Variants in TNS3 observed in about 807,000 individuals in gnomAD.
The protein encoded by TNS3 is tensin 3, also known as tensin-3.
A neutral mutation model predicts 140.9 loss-of-function variants in TNS3; 45 were observed. The ratio of observed to expected loss-of-function variants is 0.32; its 90% CI spans 0.25 to 0.41. The LOEUF is 0.41. Among genes scored for constraint, TNS3 ranks in the 10% least tolerant of loss-of-function variants. TNS3 has a pLI of 1.00. For missense variants in TNS3, 1,716 were observed against 1,906.7 expected (o/e 0.90, Z 1.86); for synonymous variants, 815 against 788.4 (o/e 1.03, Z -0.56).
chr7:47,545,208 C>T (rs1394950166), intron 1 of TNS3, among the ~76,000 whole-genome samples: 1 of 146,894 alleles, frequency 6.8e-6, no homozygotes, highest in Non-Finnish European at 1.5e-5. Flanking sequence ...GGCACAATCT[C>T]GGCTCACTGC....
chr7:47,346,438 C>T (rs1476311340), intron 17 of TNS3, 82 bp from the exon 18 acceptor site: 2 of 1,534,060 alleles, frequency 1.3e-6, no homozygotes, highest in Non-Finnish European at 1.8e-6. Flanking sequence ...TTGCCTGCTG[C>T]TTCTCAAAGG....
intron 16 of TNS3, among the ~76,000 whole-genome samples, chr7:47,389,594 C>T (rs1464407228): frequency 6.9e-5 from 1 of 14,540 alleles, no homozygotes; most frequent in Non-Finnish European, 4.1e-4. Context: ...TTTGACTGCC[C>T]CCAATGCCAC....
At chr7:47,556,951 C>T (rs1159180043) in intron 1 of TNS3, 5 of 449,864 alleles carry the variant, frequency 1.1e-5, no homozygotes, top group South Asian at 3.1e-5. Flanking sequence ...ACTCCCAGCC[C>T]TCTGTCCTCC....
chr7:47,369,477 C>T lies in TNS3; in HGVS notation c.1169G>A (p.Ser390Asn). The T allele has an allele frequency of 6.2e-7, 1 of 1,614,158 alleles. No individual in the cohort carries two copies. Among genetic ancestry groups the T allele is most frequent in the Non-Finnish European group, 8.5e-7 (1 of 1,180,034 alleles). The stretch of plus-strand genomic sequence containing the variant: ...GGCTGTAGAGTGGCCGGAGTCACTG[C>T]TGACAGACAAGGTGTGGTCACTGTG... The part of the protein sequence containing the change: ...PDHSDHTLSV[S>N]SDSGHSTASA... The change falls in exon 17 of 31, where the codon AGC becomes AAC. Residue 390 changes from serine (S) to asparagine (N), a missense_variant. Transcript: ENST00000311160.
At chr7:47,482,744 A>G (rs1219670413) in intron 3 of TNS3, among the ~76,000 whole-genome samples, 4 of 110,352 alleles carry the variant, frequency 3.6e-5, no homozygotes, top group South Asian at 2.8e-4. Context: ...AGCATGATGA[A>G]AAAAAAAATG....
chr7:47,444,737 C>A (rs927741518), intron 4 of TNS3, among the ~76,000 whole-genome samples: 3 of 152,168 alleles, frequency 2.0e-5, no homozygotes, highest in Admixed American at 2.0e-4. Context: ...GGCCTCGATA[C>A]AGTAACTCCA....
chr7:47,454,037 G>A (rs561853128), intron 4 of TNS3, among the ~76,000 whole-genome samples: 34 of 152,290 alleles, frequency 2.2e-4, no homozygotes, highest in Admixed American at 7.2e-4. Context: ...ATTTCATAAC[G>A]AAAACATTTC....
At chr7:47,539,524 G>T in intron 1 of TNS3, 1 of 249,918 alleles carries the variant, frequency 4.0e-6, no homozygotes, top group African/African-American at 2.2e-5. Flanking sequence ...TTGCAATCTA[G>T]GCTCTTACAC....
At chr7:47,385,091 C>G (rs879281079) in intron 16 of TNS3, among the ~76,000 whole-genome samples, 1 of 152,224 alleles carries the variant, frequency 6.6e-6, no homozygotes, top group Non-Finnish European at 1.5e-5. Flanking sequence ...AGCCAGTGAA[C>G]TCACTCCCAG....
At chr7:47,404,381 A>G (rs940920875) in intron 13 of TNS3, among the ~76,000 whole-genome samples, 1 of 152,216 alleles carries the variant, frequency 6.6e-6, no homozygotes, top group African/African-American at 2.4e-5. Context: ...TATTAATATA[A>G]TTCATTATCC....
At chr7:47,478,821 T>A (rs979042444) in intron 4 of TNS3, among the ~76,000 whole-genome samples, 2 of 152,140 alleles carry the variant, frequency 1.3e-5, no homozygotes, top group Non-Finnish European at 2.9e-5. Context: ...CATGCATGTA[T>A]GTGTTCATGT....
chr7:47,470,349 C>T lies in TNS3; in HGVS notation c.-76+10754G>A, dbSNP rs752728039. ...TAAAATAAAAGCTGAAGTTTTTAAA[C>T]TTTAAAAACAACTTTAAAAATCTTA... On this transcript the variant is annotated intron_variant, in intron 4 of 30. Coordinates refer to ENST00000311160, the MANE Select transcript of TNS3 (RefSeq NM_022748.12). 4.6e-4 allele frequency: 339 copies of T among 735,584 alleles called. 2 individuals carry two copies. Among genetic ancestry groups the T allele is most frequent in the Non-Finnish European group, 4.6e-4 (276 of 601,592 alleles). The allele number at this position is 735,584 out of a possible 1,614,324, so 45.6% of individuals were successfully genotyped here.
intron 16 of TNS3, among the ~76,000 whole-genome samples, chr7:47,392,463 T>G (rs944910619): frequency 2.6e-5 from 4 of 151,170 alleles, no homozygotes; most frequent in Non-Finnish European, 5.9e-5. Flanking sequence ...ATTTTTGGGG[T>G]TTTTTAACCA....
At position 47,516,801 on chromosome 7, in the gene TNS3, G is replaced by A. The variant is rs138389823; in HGVS notation, c.-152-9857C>T. On this transcript the variant is annotated intron_variant, in intron 2 of 30. Coordinates refer to ENST00000311160, the MANE Select transcript of TNS3 (RefSeq NM_022748.12). The stretch of plus-strand genomic sequence containing the variant: ...TTGTGGGTCAGGAGCAGTGGCTCAC[G>A]GCTATAATCCCAGCACTTTGGGAGG... Among the ~76,000 whole-genome samples the A allele has an allele frequency of 3.2e-3, 489 of 152,294 alleles. 2 individuals carry two copies. The highest frequency in any genetic ancestry group is 4.0e-3 in the African/African-American group (165 of 41,552).
chr7:47,560,827 C>A (rs766776087), intron 1 of TNS3, among the ~76,000 whole-genome samples: 1 of 152,162 alleles, frequency 6.6e-6, no homozygotes, highest in Non-Finnish European at 1.5e-5. Context: ...GGAACCCAGG[C>A]GCCACCAGAT....
chr7:47,361,292 C>T (rs897715841), intron 17 of TNS3, among the ~76,000 whole-genome samples: 1 of 151,528 alleles, frequency 6.6e-6, no homozygotes, highest in African/African-American at 2.4e-5. Context: ...CACTCCTTGG[C>T]CCCCATCCTG....
intron 1 of TNS3, among the ~76,000 whole-genome samples, chr7:47,562,884 G>A (rs1045413142): frequency 1.3e-5 from 2 of 152,246 alleles, no homozygotes; most frequent in Non-Finnish European, 2.9e-5. Context: ...GGTAAGAACA[G>A]CATGGATAAA....
chr7:47,495,822 G>T (rs1422714653), intron 3 of TNS3, among the ~76,000 whole-genome samples: 1 of 152,226 alleles, frequency 6.6e-6, no homozygotes, highest in Non-Finnish European at 1.5e-5. Context: ...AACATTGAAA[G>T]AGAACAGGCC....
chr7:47,448,861 G>A (rs926132455), intron 4 of TNS3, among the ~76,000 whole-genome samples: 1 of 152,130 alleles, frequency 6.6e-6, no homozygotes, highest in Non-Finnish European at 1.5e-5. Flanking sequence ...GTATAGTAAT[G>A]AAATCTGAAA....
Sources: allele counts gnomAD v4.1 joint callset (sites outside exome capture counted in the v4.1 genomes callset), GRCh38; gene constraint gnomAD v4.1.1; transcripts MANE v1.5; gene names NCBI Gene and HGNC (gene_info 2026-07-23, HGNC 2026-07-21).